METTL21C: variants seen among roughly 807,000 people sequenced by gnomAD.
METTL21C encodes methyltransferase 21C, AARS1 lysine.
Under a neutral mutation model 25.9 loss-of-function variants are expected in METTL21C, and 21 were observed. That is an observed-to-expected ratio of 0.81 (90% CI 0.58 to 1.17). The LOEUF is 1.17. Ranked by LOEUF, METTL21C falls within the 50% of genes most tolerant of loss-of-function variation. The pLI, the probability that METTL21C is intolerant of heterozygous loss-of-function variation, is 0.00. For missense variants in METTL21C, 312 were observed against 315.1 expected (o/e 0.99, Z 0.07); for synonymous variants, 125 against 124.7 (o/e 1.00, Z -0.01).
upstream of METTL21C, among the ~76,000 whole-genome samples, chr13:102,695,699 C>T (rs1348784790): frequency 6.6e-6 from 1 of 152,192 alleles, no homozygotes; most frequent in Non-Finnish European, 1.5e-5. Context: ...ACCTTTCCCA[C>T]TTTCTTAAAT....
chr13:102,693,213 T>G (rs1314996685), intron 1 of METTL21C, among the ~76,000 whole-genome samples: 1 of 152,158 alleles, frequency 6.6e-6, no homozygotes, highest in Non-Finnish European at 1.5e-5. Context: ...ATAGAATAAT[T>G]GATGATGAGT....
chr13:102,686,777 C>T (rs75448234), intron 3 of METTL21C, among the ~76,000 whole-genome samples, 163 bp downstream of exon 3: 45 of 152,328 alleles, frequency 3.0e-4, no homozygotes, highest in African/African-American at 1.1e-3. Context: ...ACTCAATGAT[C>T]TCTGTAGATA....
At chr13:102,702,703 G>A in the METTL21C span, among the ~76,000 whole-genome samples, 6 of 151,802 alleles carry the variant, frequency 4.0e-5, no homozygotes, top group African/African-American at 1.5e-4. Context: ...TGATTCTCCT[G>A]CCTCAGCCTC....
intron 1 of METTL21C, among the ~76,000 whole-genome samples, chr13:102,692,149 A>C (rs1885847663): frequency 6.6e-6 from 1 of 152,170 alleles, no homozygotes; most frequent in African/African-American, 2.4e-5. Context: ...GCTTTGGACA[A>C]AGGTAGAAGG....
intron 1 of METTL21C, 121 bp downstream of exon 1, chr13:102,694,248 T>G (rs1184639094): frequency 1.0e-5 from 12 of 1,173,048 alleles, no homozygotes; most frequent in Non-Finnish European, 1.3e-5. Context: ...TAAGCTTCAT[T>G]ATAGCAAAAA....
At chr13:102,689,094 A>T (rs531815360) in intron 2 of METTL21C, among the ~76,000 whole-genome samples, 401 of 143,944 alleles carry the variant, frequency 2.8e-3, no homozygotes, top group Admixed American at 7.7e-3. Context: ...CTTTTTTTTA[A>T]AATTATTATT....
chr13:102,689,610 T>C (rs1885774835), intron 2 of METTL21C, among the ~76,000 whole-genome samples: 2 of 152,198 alleles, frequency 1.3e-5, no homozygotes, highest in South Asian at 4.1e-4. Flanking sequence ...TTAACAAGAC[T>C]GCAGATTGAG....
intron 2 of METTL21C, among the ~76,000 whole-genome samples, chr13:102,690,316 G>T (rs541688752): frequency 6.6e-6 from 1 of 152,106 alleles, no homozygotes; most frequent in Non-Finnish European, 1.5e-5. Context: ...AGCTACTCGG[G>T]AGGCTGAGGC....
upstream of METTL21C, among the ~76,000 whole-genome samples, chr13:102,696,499 GAAATT>G (rs1472663232): frequency 2.6e-5 from 4 of 152,018 alleles, no homozygotes; most frequent in African/African-American, 9.7e-5. Flanking sequence ...GTGTACCCCA[GAAATT>G]AAAGTATAAT....
intron 2 of METTL21C, 85 bp from the exon 3 acceptor site, chr13:102,687,142 TA>T (rs1182163204): frequency 1.1e-6 from 1 of 950,796 alleles, no homozygotes; most frequent in African/African-American, 1.6e-5. Flanking sequence ...ATTTAAATAC[TA>T]AAAGACATGT....
intron 2 of METTL21C, among the ~76,000 whole-genome samples, chr13:102,687,756 C>T (rs775286750): frequency 1.1e-4 from 17 of 152,216 alleles, no homozygotes; most frequent in Non-Finnish European, 2.2e-4. Context: ...TCTGCTGGCC[C>T]ATGTACCCAC....
chr13:102,699,507 C>T (rs1457584541), upstream of METTL21C, among the ~76,000 whole-genome samples: 1 of 152,008 alleles, frequency 6.6e-6, no homozygotes, highest in Non-Finnish European at 1.5e-5. Flanking sequence ...CTAAAAGGTC[C>T]ACAAAGGATG....
chr13:102,699,037 T>C (rs560388194), upstream of METTL21C, among the ~76,000 whole-genome samples: 5 of 152,220 alleles, frequency 3.3e-5, no homozygotes, highest in South Asian at 8.3e-4. Flanking sequence ...TAGTCTTAAG[T>C]TCACCCCTAT....
At chr13:102,688,743 C>T (rs949392442) in intron 2 of METTL21C, among the ~76,000 whole-genome samples, 9 of 152,302 alleles carry the variant, frequency 5.9e-5, no homozygotes, top group African/African-American at 2.2e-4. Flanking sequence ...CTCTGAGGAA[C>T]TTCCTGGAGA....
upstream of METTL21C, among the ~76,000 whole-genome samples, chr13:102,697,598 C>G (rs990666986): frequency 6.6e-6 from 1 of 152,096 alleles, no homozygotes; most frequent in Non-Finnish European, 1.5e-5. Context: ...TCAGTGTTCT[C>G]GTCTATACGG....
chr13:102,688,527 AG>A (rs1435929303), intron 2 of METTL21C, among the ~76,000 whole-genome samples: 9 of 152,358 alleles, frequency 5.9e-5, no homozygotes, highest in Non-Finnish European at 1.0e-4. Flanking sequence ...GTGGAAGGCC[AG>A]GGCGGTGGGT....
intron 2 of METTL21C, among the ~76,000 whole-genome samples, chr13:102,690,192 G>A (rs1006354782): frequency 1.3e-5 from 2 of 152,092 alleles, no homozygotes; most frequent in Admixed American, 1.3e-4. Context: ...AGGCCGAGGT[G>A]GGCAGATCAC....
At chr13:102,695,631 T>C (rs1885934842), upstream of METTL21C, among the ~76,000 whole-genome samples, 2 of 152,208 alleles carry the variant, frequency 1.3e-5, no homozygotes, top group Non-Finnish European at 2.9e-5. Context: ...GTGTTCTTTA[T>C]GTCAGTTTCT....
At chr13:102,703,734 T>A in the METTL21C span, among the ~76,000 whole-genome samples, 1 of 152,324 alleles carries the variant, frequency 6.6e-6, no homozygotes, top group Admixed American at 6.5e-5. Context: ...GTTGGAACTT[T>A]AAATTATTTT....
Sources: allele counts gnomAD v4.1 joint callset (sites outside exome capture counted in the v4.1 genomes callset), GRCh38; gene constraint gnomAD v4.1.1; transcripts MANE v1.5; gene names NCBI Gene and HGNC (gene_info 2026-07-23, HGNC 2026-07-21).